Variants in KCNQ3 observed in about 807,000 individuals in gnomAD.
KCNQ3 encodes the protein potassium voltage-gated channel subfamily Q member 3.
Under a neutral mutation model 92.5 loss-of-function variants are expected in KCNQ3, and 30 were observed. That is an observed-to-expected ratio of 0.32 (90% CI 0.24 to 0.44). The LOEUF (loss-of-function observed/expected upper bound fraction) is 0.44, where lower values mean the gene tolerates loss of function less well. KCNQ3 is among the 20% of genes least tolerant of loss of function. The pLI is 1.00. For synonymous variants in KCNQ3, 450 were observed against 468.8 expected (o/e 0.96, Z 0.52); for missense variants, 913 against 1,140.3 (o/e 0.80, Z 2.87).
At chr8:132,323,716 T>C (rs183564627) in intron 1 of KCNQ3, among the ~76,000 whole-genome samples, 1 of 152,304 alleles carries the variant, frequency 6.6e-6, no homozygotes, top group East Asian at 1.9e-4. Context: ...CCTTTTTTCA[T>C]AGCCCTGCTG....
intron 1 of KCNQ3, among the ~76,000 whole-genome samples, chr8:132,431,955 A>T (rs1227177571): frequency 6.6e-6 from 1 of 152,206 alleles, no homozygotes; most frequent in Non-Finnish European, 1.5e-5. Context: ...AGCCTTGTGC[A>T]AGTGTCCTCA....
chr8:132,387,846 T>A (rs934908277), intron 1 of KCNQ3, among the ~76,000 whole-genome samples: 15 of 151,806 alleles, frequency 9.9e-5, no homozygotes, highest in Admixed American at 4.6e-4. Flanking sequence ...ACAAAAAAAA[T>A]TTTTTTAATT....
intron 1 of KCNQ3, among the ~76,000 whole-genome samples, chr8:132,407,298 A>G (rs10111396): frequency 0.97 from 147,021 of 152,252 alleles, 71,103 homozygotes; most frequent in Middle Eastern, 0.99. Flanking sequence ...GGCAGCGGAC[A>G]CCCTTTCCAA....
intron 1 of KCNQ3, among the ~76,000 whole-genome samples, chr8:132,368,917 C>CT (rs34248317): frequency 0.41 from 61,389 of 151,560 alleles, 13,661 homozygotes; most frequent in African/African-American, 0.59. Flanking sequence ...TTTACTGACC[C>CT]TTTTTTCTGA....
chr8:132,149,367 G>A (rs1036534313), intron 9 of KCNQ3, among the ~76,000 whole-genome samples: 2 of 152,170 alleles, frequency 1.3e-5, no homozygotes, highest in Non-Finnish European at 2.9e-5. Flanking sequence ...AACCCTTCTC[G>A]CTTTGCTGAG....
intron 14 of KCNQ3, 129 bp from the exon 15 acceptor site, chr8:132,130,125 C>G: frequency 1.8e-6 from 2 of 1,139,784 alleles, no homozygotes; most frequent in Non-Finnish European, 2.5e-6. Flanking sequence ...GTCTGTCACC[C>G]AGGCTGGAGT....
At chr8:132,273,830 T>C (rs535493463) in intron 1 of KCNQ3, among the ~76,000 whole-genome samples, 5 of 152,340 alleles carry the variant, frequency 3.3e-5, no homozygotes, top group African/African-American at 1.2e-4. Context: ...TGCTAGTTTC[T>C]TTGCTAAAAC....
intron 1 of KCNQ3, chr8:132,187,327 A>G (rs1317013587): frequency 2.2e-6 from 1 of 450,108 alleles, no homozygotes; most frequent in Non-Finnish European, 4.5e-6. Context: ...GATAAACAGA[A>G]AGTTGTCTCA....
In KCNQ3 at chr8:132,129,297, C is replaced by A; in HGVS notation, c.2584G>T (p.Asp862Tyr). 1.2e-6 allele frequency: 2 copies of A among 1,613,792 alleles called. No homozygotes were observed. Among genetic ancestry groups the A allele is most frequent in the Non-Finnish European group, 1.7e-6 (2 of 1,180,022 alleles). ...PLSSTGDGIS[D>Y]SVWTPSNKPI ...TTATTGGAAGGGGTCCATACTGAAT[C>A]AGAAATCCCATCCCCTGTGGACGAC... Residue 862 changes from aspartate (D) to tyrosine (Y), a missense_variant, in exon 15 of 15, where the codon GAT becomes TAT. Around this residue, in one of 6 missense-constraint regions of KCNQ3, gnomAD observed 375 missense variants for 376.4 expected, o/e 1.00. Transcript: ENST00000388996. This position sits in a 1 kb window ranked among gnomAD's most constrained non-coding sequence, Gnocchi z 5.9.
intron 1 of KCNQ3, among the ~76,000 whole-genome samples, chr8:132,290,506 G>A (rs1177623601): frequency 3.9e-5 from 6 of 152,166 alleles, no homozygotes; most frequent in Non-Finnish European, 5.9e-5. Context: ...TCAAATGAAT[G>A]AAGCAAGAAT....
chr8:132,253,222 G>T (rs768550608), intron 1 of KCNQ3, among the ~76,000 whole-genome samples: 5 of 152,156 alleles, frequency 3.3e-5, no homozygotes, highest in Admixed American at 1.3e-4. Flanking sequence ...AATGAGGTTC[G>T]TTTCCAAAAG....
rs756218792 is a variant in KCNQ3, at chr8:132,234,338, G to GTTTT, written c.387-48161_387-48158dup. 9.1e-3 allele frequency among the ~76,000 whole-genome samples: 782 copies of GTTTT among 85,682 alleles called. 50 individuals are homozygous for GTTTT. Among genetic ancestry groups the GTTTT allele is most frequent in the South Asian group, 0.015 (33 of 2,140 alleles). The allele number at this position is 85,682 out of a possible 152,430, so 56.2% of individuals were successfully genotyped here. ...CTGTGCATAATTCTGTCCATGAAAA[G>GTTTT]TTTTTTTTTTTTTTTTTTTTTTTTT... On this transcript the variant is annotated intron_variant, in intron 1 of 14. Coordinates refer to ENST00000388996, the MANE Select transcript of KCNQ3 (RefSeq NM_004519.4).
intron 1 of KCNQ3, among the ~76,000 whole-genome samples, chr8:132,237,351 T>C (rs969831144): frequency 3.3e-5 from 5 of 152,202 alleles, no homozygotes; most frequent in Non-Finnish European, 7.4e-5. Flanking sequence ...TTTTCAGTGC[T>C]GTGCATATAA....
At chr8:132,370,290 A>C (rs1404647767) in intron 1 of KCNQ3, among the ~76,000 whole-genome samples, 1 of 152,050 alleles carries the variant, frequency 6.6e-6, no homozygotes, top group Non-Finnish European at 1.5e-5. Flanking sequence ...GCAGGTGCTC[A>C]ATGCGTGCCT....
intron 1 of KCNQ3, among the ~76,000 whole-genome samples, chr8:132,435,739 G>A (rs1001147370): frequency 7.2e-5 from 11 of 151,926 alleles, no homozygotes; most frequent in Admixed American, 2.0e-4. Context: ...TTATTAAGAT[G>A]AGGTCTCACT....
chr8:132,254,617 C>T (rs2130450804), intron 1 of KCNQ3, among the ~76,000 whole-genome samples: 1 of 152,312 alleles, frequency 6.6e-6, no homozygotes, highest in South Asian at 2.1e-4. Flanking sequence ...TATGGTGGCT[C>T]ATGCCTGTAA....
intron 1 of KCNQ3, among the ~76,000 whole-genome samples, chr8:132,212,938 G>T (rs1813906369): frequency 6.6e-6 from 1 of 152,166 alleles, no homozygotes; most frequent in Non-Finnish European, 1.5e-5. Flanking sequence ...CCACGGAGCA[G>T]GTGCACTTCT....
In KCNQ3 at chr8:132,477,102, T is replaced by C. The variant is rs908682279; in HGVS notation, c.386+3045A>G. On this transcript the variant is annotated intron_variant, in intron 1 of 14. Coordinates refer to ENST00000388996, the MANE Select transcript of KCNQ3 (RefSeq NM_004519.4). ...CTTCCCCTTTGCCTTCTTCCATGAT[T>C]GTAAGTTTCCTGAGACCACCCCTTC... Among the ~76,000 whole-genome samples the C allele has an allele frequency of 9.2e-5, 14 of 152,268 alleles. No individual in the cohort carries two copies. The East Asian group carries it at 1.7e-3, about 19-fold the overall frequency.
intron 1 of KCNQ3, among the ~76,000 whole-genome samples, chr8:132,280,793 C>T (rs527861503): frequency 2.0e-5 from 3 of 152,266 alleles, no homozygotes; most frequent in East Asian, 1.9e-4. Flanking sequence ...TGTTCAAGGA[C>T]GAATGTGATT....
Sources: allele counts gnomAD v4.1 joint callset (sites outside exome capture counted in the v4.1 genomes callset), GRCh38; gene constraint gnomAD v4.1.1; regional missense constraint gnomAD v4.1.1; non-coding constraint Gnocchi (gnomAD v3.1); transcripts MANE v1.5; gene names NCBI Gene and HGNC (gene_info 2026-07-23, HGNC 2026-07-21).